HM13: variants seen among roughly 807,000 people sequenced by gnomAD.
HM13 encodes the protein histocompatibility minor 13.
HM13 carries 18 observed loss-of-function variants against 50.0 expected under a neutral mutation model. The ratio of observed to expected loss-of-function variants is 0.36; its 90% CI spans 0.25 to 0.53. The LOEUF (loss-of-function observed/expected upper bound fraction) is 0.53, where lower values mean the gene tolerates loss of function less well. Among genes scored for constraint, HM13 ranks in the 20% least tolerant of loss-of-function variants. The probability of loss-of-function intolerance (pLI) is 0.90; values close to 1 mark genes in which losing one functional copy is unlikely to be tolerated. For synonymous variants in HM13, 197 were observed against 232.6 expected (o/e 0.85, Z 1.39); for missense variants, 393 against 552.4 (o/e 0.71, Z 2.89).
intron 9 of HM13, among the ~76,000 whole-genome samples, 195 bp from the exon 10 acceptor site, chr20:31,561,439 A>C (rs922304719): frequency 6.6e-6 from 1 of 152,200 alleles, no homozygotes; most frequent in Admixed American, 6.5e-5. Flanking sequence ...TGAGGCTAAG[A>C]GAAGGAAAGC....
At chr20:31,557,214 G>C (rs1302529434) in intron 8 of HM13, among the ~76,000 whole-genome samples, 1 of 152,150 alleles carries the variant, frequency 6.6e-6, no homozygotes, top group East Asian at 1.9e-4. Context: ...AGGGAGACTT[G>C]CTTCCCCAGT....
At chr20:31,528,757 G>A (rs527274848) in intron 2 of HM13, among the ~76,000 whole-genome samples, 7 of 152,304 alleles carry the variant, frequency 4.6e-5, no homozygotes, top group South Asian at 2.1e-4. Context: ...GATTACAGGC[G>A]TTAGCCACTG....
At chr20:31,544,882 G>A in intron 3 of HM13, 65 bp from the exon 4 acceptor site, 1 of 1,257,188 alleles carries the variant, frequency 8.0e-7, no homozygotes, top group Non-Finnish European at 1.2e-6. Context: ...AATGGGGCAG[G>A]GGTGTGTTAA....
intron 7 of HM13, among the ~76,000 whole-genome samples, chr20:31,552,345 G>A (rs1483462574): frequency 6.6e-6 from 1 of 152,216 alleles, no homozygotes. Context: ...GAATCAGGGA[G>A]TGGGCATAGC....
At chr20:31,559,212 A>G (rs905073968) in intron 8 of HM13, among the ~76,000 whole-genome samples, 1 of 152,148 alleles carries the variant, frequency 6.6e-6, no homozygotes. Flanking sequence ...CAATCTCACA[A>G]TGATTTCCGT....
chr20:31,528,705 C>T (rs1171443202), intron 2 of HM13, among the ~76,000 whole-genome samples: 2 of 152,238 alleles, frequency 1.3e-5, no homozygotes, highest in African/African-American at 4.8e-5. Flanking sequence ...TCTCAAACTC[C>T]TGACCTCATG....
In HM13 at chr20:31,514,690, ATCT is replaced by A. The variant is rs1305683309; in HGVS notation, c.145_147del (p.Phe49del). On this transcript the variant is annotated inframe_deletion, in exon 1 of 13. Transcript: ENST00000398174. The surrounding 1 kb of genome is among the most constrained non-coding windows in gnomAD (Gnocchi z 4.3). ...CCTCCTGCTCATGGCGCTGCTGCCC[ATCT>A]TCTTCGGCGCCCTGCGCTCCGTACG... 4 of 1,553,280 alleles carry A rather than the reference ATCT, an allele frequency of 2.6e-6. No individual in the cohort carries two copies. The highest frequency in any genetic ancestry group is 4.8e-5 in the East Asian group (2 of 41,494).
At chr20:31,564,876 A>C (rs1175163872) in intron 10 of HM13, among the ~76,000 whole-genome samples, 2 of 150,904 alleles carry the variant, frequency 1.3e-5, no homozygotes, top group Non-Finnish European at 2.9e-5. Flanking sequence ...AGAAAAGAAA[A>C]GAAACTCGGC....
At chr20:31,531,768 C>G (rs919340194) in intron 2 of HM13, among the ~76,000 whole-genome samples, 1 of 152,084 alleles carries the variant, frequency 6.6e-6, no homozygotes, top group African/African-American at 2.4e-5. Flanking sequence ...AGCAACCAGC[C>G]TGGGCAACAT....
rs1376030062 is a variant in HM13 at position 31,569,129 on chromosome 20, G to C, written c.1191G>C (p.Glu397Asp). 2 of 1,566,204 alleles carry C rather than the reference G, an allele frequency of 1.3e-6. No homozygotes were observed. Among genetic ancestry groups the C allele is most frequent in the South Asian group, 1.2e-5 (1 of 86,030 alleles). ...TTTTTTTTTTGGTCAGTTATGAGGA[G>C]TCAAATCCTAAGGATCCAGCGGCAG... ...RPQNPSAIYE[E>D]SNPKDPAAVT... The change falls in exon 13 of 13, where the codon GAG (glutamate) becomes GAC (aspartate). Residue 397 changes from glutamate to aspartate, a missense_variant. Glu to Asp is a conservative substitution (Grantham distance 45). Around this residue, in one of 3 missense-constraint regions of HM13, gnomAD observed 105 missense variants for 115.9 expected, o/e 0.91. Coordinates refer to ENST00000398174, the MANE Select transcript of HM13 (RefSeq NM_178581.3).
intron 4 of HM13, chr20:31,548,383 C>G: frequency 4.8e-6 from 1 of 208,068 alleles, no homozygotes; most frequent in Non-Finnish European, 9.7e-6. Flanking sequence ...ACCACAGGGC[C>G]CCCCACAAAA....
rs1344245744 is a variant in HM13 at position 31,545,109 on chromosome 20, T to C, written c.454+74T>C. The C allele has an allele frequency of 1.5e-5, 18 of 1,205,506 alleles. No individual in the cohort carries two copies. The East Asian group carries it at 2.1e-4, about 14-fold the overall frequency. 74.7% of individuals were successfully genotyped at this position (1,205,506 alleles called of 1,614,324 possible). On this transcript the variant is annotated intron_variant, in intron 4 of 12. Coordinates refer to ENST00000398174, the MANE Select transcript of HM13 (RefSeq NM_178581.3). ...CACCATTCCCTTTGTCTCTCCAATA[T>C]TGGGGTTCTCCAATAGAGCAACTGA...
intron 2 of HM13, among the ~76,000 whole-genome samples, chr20:31,529,569 G>A (rs575233050): frequency 2.2e-4 from 33 of 152,180 alleles, no homozygotes; most frequent in Non-Finnish European, 3.5e-4. Context: ...TTAATAGTAC[G>A]TCAGCTTTTT....
intron 8 of HM13, among the ~76,000 whole-genome samples, chr20:31,559,263 CT>C (rs1436839063): frequency 2.6e-5 from 4 of 152,192 alleles, no homozygotes; most frequent in Admixed American, 6.5e-5. Flanking sequence ...CCCTGTCCCC[CT>C]GGCTGAGCTC....
At chr20:31,538,991 A>G (rs1983281218) in intron 3 of HM13, 2 of 827,654 alleles carry the variant, frequency 2.4e-6, no homozygotes, top group Non-Finnish European at 2.9e-6. Context: ...AGGTTAAGAA[A>G]TTTGCTAGGA....
intron 9 of HM13, 133 bp downstream of exon 9, chr20:31,559,780 C>G (rs1177499526): frequency 1.2e-6 from 1 of 846,698 alleles, no homozygotes; most frequent in Admixed American, 2.0e-5. Flanking sequence ...CTGATTTTAT[C>G]TGCATTTTGC....
chr20:31,535,911 A>G (rs563628792), intron 2 of HM13, among the ~76,000 whole-genome samples: 1 of 152,332 alleles, frequency 6.6e-6, no homozygotes. Flanking sequence ...GAACCAGCTC[A>G]GGGTGAACCT....
At chr20:31,552,439 A>C (rs2122632910) in intron 7 of HM13, among the ~76,000 whole-genome samples, 1 of 152,278 alleles carries the variant, frequency 6.6e-6, no homozygotes, top group Non-Finnish European at 1.5e-5. Flanking sequence ...GAGCTTGGAC[A>C]CTGCCCCGTA....
intron 7 of HM13, among the ~76,000 whole-genome samples, chr20:31,554,279 T>C (rs1984180008): frequency 6.6e-6 from 1 of 152,022 alleles, no homozygotes; most frequent in African/African-American, 2.4e-5. Flanking sequence ...GGAGAATCAC[T>C]TGAGCCTAGG....
Sources: allele counts gnomAD v4.1 joint callset (sites outside exome capture counted in the v4.1 genomes callset), GRCh38; gene constraint gnomAD v4.1.1; regional missense constraint gnomAD v4.1.1; non-coding constraint Gnocchi (gnomAD v3.1); transcripts MANE v1.5; gene names NCBI Gene and HGNC (gene_info 2026-07-23, HGNC 2026-07-21).